Variants in CHAC2 observed in about 807,000 individuals in gnomAD.
CHAC2 encodes glutathione-specific gamma-glutamylcyclotransferase 2.
Under a neutral mutation model 16.9 loss-of-function variants are expected in CHAC2, and 20 were observed. The observed-to-expected ratio is 1.18, with a 90% CI of 0.83 to 1.72. The LOEUF (loss-of-function observed/expected upper bound fraction) is 1.72, where lower values mean the gene tolerates loss of function less well. Ranked by LOEUF, CHAC2 falls within the 40% of genes most tolerant of loss-of-function variation. The pLI is 0.00. For synonymous variants in CHAC2, 91 were observed against 77.3 expected, an observed-to-expected ratio of 1.18 and a Z score of -0.93; for missense variants, 269 against 222.2, an observed-to-expected ratio of 1.21 and a Z score of -1.34.
At chr2:53,770,138 A>G (rs375561395) in intron 1 of CHAC2, among the ~76,000 whole-genome samples, 9 of 152,172 alleles carry the variant, frequency 5.9e-5, no homozygotes, top group African/African-American at 2.2e-4. Flanking sequence ...CATCATCTTA[A>G]AAAGAAAACA....
At position 53,774,151 on chromosome 2, in the gene CHAC2, T is replaced by C. The variant is rs1298493065; in HGVS notation, c.181T>C (p.Trp61Arg). The C allele has an allele frequency of 1.2e-6, 2 of 1,604,530 alleles. No homozygotes were observed. The highest frequency in any genetic ancestry group is 2.7e-5 in the African/African-American group (2 of 74,342). Residue 61 changes from tryptophan (W) to arginine (R), a missense_variant, in exon 3 of 3, where the codon TGG becomes CGG. Physicochemically the swap from Trp to Arg is moderately radical, Grantham distance 101 (BLOSUM62 -3). Coordinates refer to ENST00000295304, the MANE Select transcript of CHAC2 (RefSeq NM_001008708.4). ...TTTCATTTTTCAACAGGGATGTGTA[T>C]GGGGTGTTGCTTACAGATTGCCAGT... is the stretch of plus-strand genomic sequence containing the variant. ...TLVEDPAGCV[W>R]GVAYRLPVGK...
chr2:53,774,551 G>C lies in CHAC2; in HGVS notation c.*26G>C. ...TTTAGTCTTCAGAGAATTAACTTCA[G>C]TGCACAATGACAATATGATTTGGAA... On this transcript the variant is annotated 3_prime_UTR_variant, in exon 3 of 3. Transcript: ENST00000295304. 6.8e-7 allele frequency: 1 copy of C among 1,465,846 alleles called. No individual in the cohort carries two copies. The highest frequency in any genetic ancestry group is 9.1e-7 in the Non-Finnish European group (1 of 1,095,338). The allele number at this position is 1,465,846 out of a possible 1,614,324, so 90.8% of individuals were successfully genotyped here.
At chr2:53,771,830 C>T in intron 1 of CHAC2, 77 bp from the exon 2 acceptor site, 1 of 797,620 alleles carries the variant, frequency 1.3e-6, no homozygotes, top group Non-Finnish European at 2.2e-6. Context: ...TATTCCATGT[C>T]AAAAATGTTG....
chr2:53,774,064 C>A, intron 2 of CHAC2, 78 bp from the exon 3 acceptor site: 2 of 1,360,900 alleles, frequency 1.5e-6, no homozygotes, highest in South Asian at 1.4e-5. Flanking sequence ...ATATGAGATA[C>A]TCCCTTAGAT....
chr2:53,774,688 G>A lies in CHAC2; in HGVS notation c.*163G>A, dbSNP rs1042647223. The stretch of plus-strand genomic sequence containing the variant: ...TTTAAAATATTGGGATACAGTGAAA[G>A]AAAAATTCAAATTTTAATAACATAA... On this transcript the variant is annotated 3_prime_UTR_variant, in exon 3 of 3. Coordinates refer to ENST00000295304, the MANE Select transcript of CHAC2 (RefSeq NM_001008708.4). 12 of 528,750 alleles carry A rather than the reference G, an allele frequency of 2.3e-5. No homozygotes were observed. Among genetic ancestry groups the A allele is most frequent in the African/African-American group, 2.2e-4 (11 of 50,808 alleles). 32.8% of individuals were successfully genotyped at this position (528,750 alleles called of 1,614,324 possible). A position where few individuals can be genotyped will look rare whatever the true frequency, so the allele number is the denominator to read the frequency against.
intron 2 of CHAC2, among the ~76,000 whole-genome samples, chr2:53,773,638 C>T (rs1328090980): frequency 6.6e-6 from 1 of 151,816 alleles, no homozygotes; most frequent in African/African-American, 2.4e-5. Flanking sequence ...ACCATCTTGG[C>T]CAGGCTGGTC....
chr2:53,770,265 T>C (rs903592145), intron 1 of CHAC2, among the ~76,000 whole-genome samples: 3 of 152,134 alleles, frequency 2.0e-5, no homozygotes, highest in African/African-American at 7.2e-5. Flanking sequence ...TGAGAAATCA[T>C]AATCCAAAAT....
In CHAC2 at chr2:53,771,899, T is replaced by C. The variant is rs776312462; in HGVS notation, c.136-8T>C. ...TCAGAAAAATTTTTTTTTACCTTTT[T>C]AAAACAGCCTGGAAGAGTTGTGACT... On this transcript the variant is annotated splice_polypyrimidine_tract_variant and splice_region_variant and intron_variant, in intron 1 of 2. Transcript: ENST00000295304. 2 of 1,558,000 alleles carry C rather than the reference T, an allele frequency of 1.3e-6. No homozygotes were observed. Among genetic ancestry groups the C allele is most frequent in the African/African-American group, 1.4e-5 (1 of 72,874 alleles).
chr2:53,769,293 T>C (rs921277577), intron 1 of CHAC2, among the ~76,000 whole-genome samples: 2 of 152,250 alleles, frequency 1.3e-5, no homozygotes, highest in South Asian at 2.1e-4. Context: ...GGAGGACTGC[T>C]TGAGGCCAGG....
At chr2:53,769,998 G>A (rs1211169093) in intron 1 of CHAC2, among the ~76,000 whole-genome samples, 14 of 152,140 alleles carry the variant, frequency 9.2e-5, no homozygotes, top group Admixed American at 9.2e-4. Context: ...CTGGAACCAA[G>A]AATCAAGATT....
In CHAC2 at chr2:53,774,422, C is replaced by T. The variant is rs780903957; in HGVS notation, c.452C>T (p.Ser151Phe). Residue 151 changes from serine to phenylalanine, a missense_variant, in exon 3 of 3, where the codon TCT becomes TTT. Physicochemically the swap from Ser to Phe is radical, Grantham distance 155 (BLOSUM62 -2). Transcript: ENST00000295304. ...GAATATCTTTTTGAACTTGCAAATT[C>T]TATTAGGAACCTTGTGCCAGAAGAA... is the stretch of plus-strand genomic sequence containing the variant. ...NTEYLFELANSIRNLVPEEAD... is the reference protein window; with the variant it reads ...NTEYLFELANFIRNLVPEEAD... The T allele has an allele frequency of 6.2e-7, 1 of 1,611,310 alleles. No homozygotes were observed. Among genetic ancestry groups the T allele is most frequent in the African/African-American group, 1.3e-5 (1 of 74,796 alleles).
chr2:53,770,118 C>T (rs1673791618), intron 1 of CHAC2, among the ~76,000 whole-genome samples: 1 of 152,008 alleles, frequency 6.6e-6, no homozygotes, highest in African/African-American at 2.4e-5. Context: ...TATATATATC[C>T]TCATTGTAGC....
chr2:53,768,054 C>G, intron 1 of CHAC2, 33 bp downstream of exon 1: 2 of 1,607,494 alleles, frequency 1.2e-6, no homozygotes, highest in Admixed American at 1.7e-5. Flanking sequence ...ACACTTACTG[C>G]CCCCTGACCC....
rs1026883918 is a variant in CHAC2 at position 53,771,793 on chromosome 2, G to T, written c.136-114G>T. On this transcript the variant is annotated intron_variant, in intron 1 of 2. Transcript: ENST00000295304. ...AAAATAACTATGCTTAAGAAATAGT[G>T]CTTCTTATGAGCAAATATAATTCAA... The T allele has an allele frequency of 2.1e-5, 15 of 714,552 alleles. No individual in the cohort carries two copies. The African/African-American group carries it at 2.7e-4, about 13-fold the overall frequency. 44.3% of individuals were successfully genotyped at this position (714,552 alleles called of 1,614,324 possible). A position where few individuals can be genotyped will look rare whatever the true frequency, so the allele number is the denominator to read the frequency against.
In CHAC2 at chr2:53,774,675, G is replaced by A; in HGVS notation, c.*150G>A. Reference sequence around the variant, plus strand: ...CCTGAAACACATATTTAAAATATTGGGATACAGTGAAAGAAAAATTCAAAT... The same window carrying A: ...CCTGAAACACATATTTAAAATATTGAGATACAGTGAAAGAAAAATTCAAAT... On this transcript the variant is annotated 3_prime_UTR_variant, in exon 3 of 3. Coordinates refer to ENST00000295304, the MANE Select transcript of CHAC2 (RefSeq NM_001008708.4). 2 of 572,666 alleles carry A rather than the reference G, an allele frequency of 3.5e-6. No homozygotes were observed. Among genetic ancestry groups the A allele is most frequent in the Non-Finnish European group, 2.8e-6 (1 of 360,524 alleles). 35.5% of individuals were successfully genotyped at this position (572,666 alleles called of 1,614,324 possible).
chr2:53,771,673 A>G (rs938402227), intron 1 of CHAC2, among the ~76,000 whole-genome samples: 3 of 152,200 alleles, frequency 2.0e-5, no homozygotes, highest in Non-Finnish European at 2.9e-5. Context: ...AATATAATAT[A>G]CCTAATACGT....
chr2:53,769,838 G>A (rs917364125), intron 1 of CHAC2, among the ~76,000 whole-genome samples: 5 of 151,546 alleles, frequency 3.3e-5, no homozygotes, highest in East Asian at 1.9e-4. Flanking sequence ...GTGAAATTCC[G>A]TCTCAAAAAA....
chr2:53,769,798 C>T (rs989566043), intron 1 of CHAC2, among the ~76,000 whole-genome samples: 4 of 152,092 alleles, frequency 2.6e-5, no homozygotes, highest in African/African-American at 4.8e-5. Flanking sequence ...GCTGAGATTG[C>T]GCCACTGCAC....
intron 2 of CHAC2, among the ~76,000 whole-genome samples, chr2:53,772,650 C>T (rs1383706983): frequency 2.0e-5 from 3 of 151,490 alleles, no homozygotes; most frequent in African/African-American, 7.3e-5. Flanking sequence ...GTGAGGAATT[C>T]TTATTTTCTT....
Sources: gnomAD v4.1 joint callset for allele counts (sites outside exome capture counted in the v4.1 genomes callset) on GRCh38, gnomAD v4.1.1 for gene constraint, MANE v1.5 for transcripts, NCBI Gene and HGNC (gene_info 2026-07-23, HGNC 2026-07-21) for gene names.